Variants in BICC1 observed in about 807,000 individuals in gnomAD.
The protein encoded by BICC1 is BicC family RNA binding protein 1, also known as protein bicaudal C homolog 1.
BICC1 carries 43 observed loss-of-function variants against 111.0 expected under a neutral mutation model. That is an observed-to-expected ratio of 0.39 (90% CI 0.30 to 0.50). BICC1 has a LOEUF of 0.50. Ranked by LOEUF, BICC1 falls within the 20% of genes least tolerant of loss-of-function variation. The pLI is 0.88. For synonymous variants in BICC1, 467 were observed against 434.4 expected (o/e 1.07, Z -0.93); for missense variants, 1,091 against 1,203.2 (o/e 0.91, Z 1.38).
At chr10:58,618,713 A>G (rs539068827) in intron 1 of BICC1, among the ~76,000 whole-genome samples, 1 of 152,342 alleles carries the variant, frequency 6.6e-6, no homozygotes, top group African/African-American at 2.4e-5. Context: ...CAAAAATAAA[A>G]GTTAAAAAGA....
At chr10:58,762,291 A>T (rs755838559) in intron 3 of BICC1, among the ~76,000 whole-genome samples, 2 of 152,174 alleles carry the variant, frequency 1.3e-5, no homozygotes, top group Non-Finnish European at 2.9e-5. Flanking sequence ...AATGCCACTA[A>T]AATGAGAAAA....
chr10:58,612,599 TAAAA>T (rs34066134), intron 1 of BICC1, among the ~76,000 whole-genome samples: 7 of 145,282 alleles, frequency 4.8e-5, no homozygotes, highest in Non-Finnish European at 6.0e-5. Flanking sequence ...TGAGTTGTGT[TAAAA>T]AAAAAAAAAA....
At position 58,756,436 on chromosome 10, in the gene BICC1, G is replaced by A. The variant is rs1352258298; in HGVS notation, c.308-28565G>A. Among the ~76,000 whole-genome samples the A allele has an allele frequency of 5.9e-5, 9 of 152,072 alleles. No individual in the cohort carries two copies. The East Asian group carries it at 1.7e-3, about 29-fold the overall frequency. On this transcript the variant is annotated intron_variant, in intron 3 of 20. Coordinates refer to ENST00000373886, the MANE Select transcript of BICC1 (RefSeq NM_001080512.3). ...CCCAAAGGTTTGTCATTAACATTTT[G>A]TTGATTTTTAAGCTTGCTCTTATAT... is the stretch of plus-strand genomic sequence containing the variant.
At chr10:58,632,040 T>A (rs139982174) in intron 2 of BICC1, among the ~76,000 whole-genome samples, 50 of 152,244 alleles carry the variant, frequency 3.3e-4, no homozygotes, top group African/African-American at 1.2e-3. Context: ...GGGGAAGGTA[T>A]TAACAAGATC....
At chr10:58,784,830 CTGT>C (rs1182675512) in intron 3 of BICC1, among the ~76,000 whole-genome samples, 168 bp from the exon 4 acceptor site, 1 of 152,048 alleles carries the variant, frequency 6.6e-6, no homozygotes, top group Non-Finnish European at 1.5e-5. Flanking sequence ...TTCCATATTC[CTGT>C]TGTTGTTACA....
At chr10:58,648,956 A>G (rs1055576898) in intron 2 of BICC1, among the ~76,000 whole-genome samples, 1 of 152,176 alleles carries the variant, frequency 6.6e-6, no homozygotes, top group Non-Finnish European at 1.5e-5. Context: ...CAACACTTGA[A>G]GGCATACACT....
At chr10:58,645,783 A>G (rs998065877) in intron 2 of BICC1, among the ~76,000 whole-genome samples, 1 of 152,216 alleles carries the variant, frequency 6.6e-6, no homozygotes, top group African/African-American at 2.4e-5. Flanking sequence ...AGATCATTTG[A>G]ACTGCCTTGA....
intron 1 of BICC1, among the ~76,000 whole-genome samples, chr10:58,521,034 T>C (rs548998646): frequency 1.3e-4 from 20 of 152,278 alleles, no homozygotes; most frequent in African/African-American, 4.8e-4. Context: ...TCACTTAGCG[T>C]TGAATCATAA....
At chr10:58,601,140 TTATATATATATA>T (rs71033690) in intron 1 of BICC1, among the ~76,000 whole-genome samples, 6 of 100,672 alleles carry the variant, frequency 6.0e-5, no homozygotes, top group African/African-American at 1.1e-4. Flanking sequence ...ATTTTAAAAC[TTATATATATATA>T]TATATATATA....
In BICC1 at chr10:58,786,932, G is replaced by C. The variant is rs144771740; in HGVS notation, c.397G>C (p.Val133Leu). Reference sequence around the variant, plus strand: ...CATTATTTTCACATAGAGCAATCGAGTCACACTGAAGATGGATGTTTCACA... The same window carrying C: ...CATTATTTTCACATAGAGCAATCGACTCACACTGAAGATGGATGTTTCACA... Reference protein sequence around the residue: ...MSVLDTKSNRVTLKMDVSHTE... With the variant: ...MSVLDTKSNRLTLKMDVSHTE... The change falls in exon 5 of 21, where the codon GTC becomes CTC. Residue 133 changes from valine (V) to leucine (L), a missense_variant. Physicochemically the swap from Val to Leu is conservative, Grantham distance 32. Coordinates refer to ENST00000373886, the MANE Select transcript of BICC1 (RefSeq NM_001080512.3). 58 of 1,582,774 alleles carry C rather than the reference G, an allele frequency of 3.7e-5. No homozygotes were observed. In the African/African-American group the frequency reaches 7.0e-4, roughly 19 times the overall value.
intron 2 of BICC1, among the ~76,000 whole-genome samples, chr10:58,652,349 C>A: frequency 6.6e-6 from 1 of 151,940 alleles, no homozygotes; most frequent in East Asian, 1.9e-4. Context: ...ATTCACAGAC[C>A]CTCATTGCTG....
intron 1 of BICC1, among the ~76,000 whole-genome samples, chr10:58,586,673 C>T (rs1368320461): frequency 6.6e-6 from 1 of 150,992 alleles, no homozygotes; most frequent in East Asian, 1.9e-4. Context: ...TTCACATATA[C>T]ATACCCACAC....
At chr10:58,611,501 A>G (rs1237743261) in intron 1 of BICC1, among the ~76,000 whole-genome samples, 1 of 149,940 alleles carries the variant, frequency 6.7e-6, no homozygotes, top group Non-Finnish European at 1.5e-5. Context: ...TTTGAGACAG[A>G]ATCTCGCACT....
intron 2 of BICC1, among the ~76,000 whole-genome samples, chr10:58,645,195 G>A (rs1838229095): frequency 6.6e-6 from 1 of 151,938 alleles, no homozygotes; most frequent in African/African-American, 2.4e-5. Context: ...GGATCACGAG[G>A]TCAGGAGATC....
intron 1 of BICC1, among the ~76,000 whole-genome samples, chr10:58,591,206 G>A (rs948572807): frequency 1.3e-5 from 2 of 152,172 alleles, no homozygotes; most frequent in Non-Finnish European, 2.9e-5. Flanking sequence ...GGAGGATTCA[G>A]TCCAGCTTGA....
chr10:58,527,045 C>T (rs1479545411), intron 1 of BICC1, among the ~76,000 whole-genome samples: 3 of 152,352 alleles, frequency 2.0e-5, no homozygotes, highest in Admixed American at 6.5e-5. Flanking sequence ...GTACCACCAA[C>T]GGTTTAAAAG....
At chr10:58,668,181 T>G (rs1195608900) in intron 2 of BICC1, among the ~76,000 whole-genome samples, 1 of 152,044 alleles carries the variant, frequency 6.6e-6, no homozygotes, top group Non-Finnish European at 1.5e-5. Flanking sequence ...GGAAAGGAAG[T>G]TTTACGTCAT....
chr10:58,704,098 A>T (rs140336319), intron 3 of BICC1, among the ~76,000 whole-genome samples: 1 of 152,176 alleles, frequency 6.6e-6, no homozygotes, highest in Admixed American at 6.5e-5. Flanking sequence ...ATGGCCAACT[A>T]TATTGCACAT....
intron 1 of BICC1, among the ~76,000 whole-genome samples, chr10:58,592,380 T>A (rs115021125): frequency 2.6e-3 from 390 of 152,232 alleles, no homozygotes; most frequent in African/African-American, 9.1e-3. Flanking sequence ...TATGACATTG[T>A]TTTTGTTTCC....
Sources: allele counts gnomAD v4.1 joint callset (sites outside exome capture counted in the v4.1 genomes callset), GRCh38; gene constraint gnomAD v4.1.1; transcripts MANE v1.5; gene names NCBI Gene and HGNC (gene_info 2026-07-23, HGNC 2026-07-21).